The following TAFA4 variants were observed in gnomAD, a reference collection of about 807,000 sequenced individuals.
The protein encoded by TAFA4 is TAFA chemokine like family member 4.
A neutral mutation model predicts 21.1 loss-of-function variants in TAFA4; 20 were observed. The ratio of observed to expected loss-of-function variants is 0.95; its 90% CI spans 0.67 to 1.38. TAFA4 has a LOEUF of 1.38. Among genes scored for constraint, TAFA4 ranks in the 40% most tolerant of loss-of-function variants. TAFA4 has a pLI of 0.00. For missense variants in TAFA4, 211 were observed against 180.9 expected (o/e 1.17, Z -0.95); for synonymous variants, 71 against 67.4 (o/e 1.05, Z -0.26).
At chr3:68,858,151 C>A (rs1373770263) in intron 3 of TAFA4, among the ~76,000 whole-genome samples, 2 of 152,096 alleles carry the variant, frequency 1.3e-5, no homozygotes, top group Non-Finnish European at 2.9e-5. Context: ...TCTGATTCAT[C>A]GCTTCTCCAC....
chr3:68,875,300 G>A (rs371991857), intron 3 of TAFA4, among the ~76,000 whole-genome samples: 4 of 151,750 alleles, frequency 2.6e-5, no homozygotes, highest in South Asian at 2.1e-4. Flanking sequence ...TCAATAGTAC[G>A]GTTGTTAAAT....
intron 3 of TAFA4, among the ~76,000 whole-genome samples, chr3:68,856,751 T>C (rs1177699333): frequency 1.3e-5 from 2 of 152,146 alleles, no homozygotes; most frequent in African/African-American, 2.4e-5. Context: ...ACAAGAATTA[T>C]ACCTCACTCC....
At chr3:68,911,660 CA>C (rs1331919437) in intron 1 of TAFA4, among the ~76,000 whole-genome samples, 4 of 152,138 alleles carry the variant, frequency 2.6e-5, no homozygotes, top group African/African-American at 4.8e-5. Flanking sequence ...AAGGGAGACA[CA>C]AAAATACAAG....
chr3:68,928,479 A>G (rs1575678020), intron 1 of TAFA4, among the ~76,000 whole-genome samples: 1 of 152,302 alleles, frequency 6.6e-6, no homozygotes, highest in South Asian at 2.1e-4. Context: ...ATTATCTTAA[A>G]CTGCCTGACC....
chr3:68,877,398 T>C (rs2089563601), intron 3 of TAFA4, among the ~76,000 whole-genome samples: 1 of 152,140 alleles, frequency 6.6e-6, no homozygotes, highest in Non-Finnish European at 1.5e-5. Flanking sequence ...TAAAATCTTT[T>C]GTCTCTGACC....
chr3:68,806,960 C>T (rs1333762210), intron 3 of TAFA4, among the ~76,000 whole-genome samples: 1 of 152,154 alleles, frequency 6.6e-6, no homozygotes, highest in Non-Finnish European at 1.5e-5. Flanking sequence ...TAACATGTAC[C>T]AGAAACTAGT....
chr3:68,790,392 A>G (rs1703340742), intron 3 of TAFA4, among the ~76,000 whole-genome samples: 1 of 152,240 alleles, frequency 6.6e-6, no homozygotes, highest in African/African-American at 2.4e-5. Context: ...CAAAGGTGAC[A>G]AACAGAAAAC....
intron 3 of TAFA4, among the ~76,000 whole-genome samples, chr3:68,784,380 T>C (rs988436487): frequency 2.6e-5 from 4 of 152,130 alleles, no homozygotes; most frequent in African/African-American, 9.7e-5. Context: ...CTGGAGTTTG[T>C]TCCTTCTGAT....
intron 3 of TAFA4, among the ~76,000 whole-genome samples, chr3:68,795,001 T>TACACACACACACACAC (rs3048125): frequency 3.2e-4 from 46 of 144,068 alleles, no homozygotes; most frequent in Admixed American, 6.4e-4. Flanking sequence ...TGTGTCTCAA[T>TACACACACACACACAC]ACACACACAC....
At chr3:68,874,122 C>T (rs1390405093) in intron 3 of TAFA4, among the ~76,000 whole-genome samples, 1 of 152,210 alleles carries the variant, frequency 6.6e-6, no homozygotes, top group African/African-American at 2.4e-5. Context: ...AGACACCCAA[C>T]AATCTCAGGC....
At chr3:68,760,740 A>T (rs376319885) in intron 3 of TAFA4, among the ~76,000 whole-genome samples, 30 of 152,244 alleles carry the variant, frequency 2.0e-4, no homozygotes, top group Admixed American at 5.9e-4. Flanking sequence ...GAACATGCCC[A>T]GTATTCCTAG....
At chr3:68,829,540 A>G (rs1704329102) in intron 3 of TAFA4, among the ~76,000 whole-genome samples, 1 of 152,188 alleles carries the variant, frequency 6.6e-6, no homozygotes, top group Non-Finnish European at 1.5e-5. Flanking sequence ...GGATGAAGCC[A>G]ACTTGATCTG....
intron 4 of TAFA4, among the ~76,000 whole-genome samples, chr3:68,746,864 A>G (rs909664851): frequency 5.3e-5 from 8 of 152,070 alleles, no homozygotes; most frequent in Non-Finnish European, 1.2e-4. Context: ...GGGTTTCTCA[A>G]CCTCAGTGTC....
chr3:68,887,897 A>G (rs1240387053), intron 1 of TAFA4, among the ~76,000 whole-genome samples: 2 of 152,128 alleles, frequency 1.3e-5, no homozygotes, highest in African/African-American at 4.8e-5. Context: ...AGCTGTATCA[A>G]TCATTTTAGC....
chr3:68,883,321 T>C (rs2089637833), intron 2 of TAFA4, among the ~76,000 whole-genome samples: 1 of 152,230 alleles, frequency 6.6e-6, no homozygotes, highest in South Asian at 2.1e-4. Context: ...ACATGGCCCC[T>C]GCACGTGCTC....
At chr3:68,925,927 G>A (rs532525319) in intron 1 of TAFA4, among the ~76,000 whole-genome samples, 17 of 152,232 alleles carry the variant, frequency 1.1e-4, no homozygotes, top group African/African-American at 2.2e-4. Flanking sequence ...TATGAACCCC[G>A]TTATTCAAAA....
chr3:68,760,826 G>A (rs189535194), intron 3 of TAFA4, among the ~76,000 whole-genome samples: 41 of 152,286 alleles, frequency 2.7e-4, no homozygotes, highest in Admixed American at 9.8e-4. Context: ...GGAAGACATC[G>A]CAGTGTAGAA....
chr3:68,876,847 T>C (rs1559551341), intron 3 of TAFA4, among the ~76,000 whole-genome samples: 1 of 152,194 alleles, frequency 6.6e-6, no homozygotes, highest in Non-Finnish European at 1.5e-5. Context: ...ATAACTAGCA[T>C]TTGAGCACTC....
chr3:68,794,892 A>G (rs1703425426), intron 3 of TAFA4, among the ~76,000 whole-genome samples: 1 of 152,060 alleles, frequency 6.6e-6, no homozygotes, highest in Admixed American at 6.6e-5. Context: ...ACAGAAAAAA[A>G]AAATACAGCT....
Sources: allele counts gnomAD v4.1 joint callset (sites outside exome capture counted in the v4.1 genomes callset), GRCh38; gene constraint gnomAD v4.1.1; transcripts MANE v1.5; gene names NCBI Gene and HGNC (gene_info 2026-07-23, HGNC 2026-07-21).